The following DNAJC13 variants were observed in gnomAD, a reference collection of about 807,000 sequenced individuals.
DNAJC13 encodes the protein DnaJ heat shock protein family (Hsp40) member C13.
In DNAJC13, 75 loss-of-function variants were observed where a neutral mutation model predicts 290.5. The observed-to-expected ratio is 0.26, with a 90% CI of 0.21 to 0.31. The LOEUF is 0.31. Among genes scored for constraint, DNAJC13 ranks in the 10% least tolerant of loss-of-function variants. The probability of loss-of-function intolerance (pLI) is 1.00; values close to 1 mark genes in which losing one functional copy is unlikely to be tolerated. For missense variants in DNAJC13, 2,260 were observed against 2,674.5 expected (o/e 0.85, Z 3.42); for synonymous variants, 862 against 892.0 (o/e 0.97, Z 0.60).
chr3:132,483,840 G>T (rs1333606859), intron 28 of DNAJC13, among the ~76,000 whole-genome samples: 4 of 152,168 alleles, frequency 2.6e-5, no homozygotes, highest in Non-Finnish European at 5.9e-5. Flanking sequence ...TAATTTATGT[G>T]AATTGGTGTT....
At chr3:132,537,429 G>A in intron 55 of DNAJC13, among the ~76,000 whole-genome samples, 1 of 152,130 alleles carries the variant, frequency 6.6e-6, no homozygotes, top group Non-Finnish European at 1.5e-5. Context: ...TTGTTAGTTT[G>A]TGCAGTGCTT....
Position 132,516,700 on chromosome 3 carries a change from A to G in DNAJC13, c.5561-4A>G, listed in dbSNP as rs754209735. The G allele has an allele frequency of 6.8e-6, 11 of 1,606,874 alleles. No individual in the cohort carries two copies. The highest frequency in any genetic ancestry group is 9.3e-6 in the Non-Finnish European group (11 of 1,177,812). ...TAAGCACTAATTATCTTTTTCCTTC[A>G]TAGGTGCTTTGATCTATTTACTGGA... On this transcript the variant is annotated splice_region_variant and splice_polypyrimidine_tract_variant and intron_variant, in intron 47 of 55. Coordinates refer to ENST00000260818, the MANE Select transcript of DNAJC13 (RefSeq NM_015268.4).
intron 29 of DNAJC13, among the ~76,000 whole-genome samples, chr3:132,487,564 T>TTTTTTTTTTTA (rs1434635350): frequency 6.7e-6 from 1 of 148,538 alleles, no homozygotes; most frequent in East Asian, 2.0e-4. Flanking sequence ...CTGTAATTTT[T>TTTTTTTTTTTA]TTTTTTTTTT....
intron 42 of DNAJC13, among the ~76,000 whole-genome samples, chr3:132,506,458 GT>G (rs1410572117): frequency 6.9e-6 from 1 of 144,630 alleles, no homozygotes; most frequent in African/African-American, 2.6e-5. Flanking sequence ...ATCTAAATTC[GT>G]TTTGGTTTCA....
Position 132,463,888 on chromosome 3 carries a change from A to C in DNAJC13, c.1892+71A>C. 2.0e-6 allele frequency: 3 copies of C among 1,501,718 alleles called. No homozygotes were observed. The South Asian group carries it at 3.7e-5, about 18-fold the overall frequency. The allele number at this position is 1,501,718 out of a possible 1,614,324, so 93.0% of individuals were successfully genotyped here. A position where few individuals can be genotyped will look rare whatever the true frequency, so the allele number is the denominator to read the frequency against. On this transcript the variant is annotated intron_variant, in intron 17 of 55. Transcript: ENST00000260818. ...AGAATTGATTCAGATGTTACATAAA[A>C]CTAAATGTGTTTGTATTACACAAAT...
intron 32 of DNAJC13, among the ~76,000 whole-genome samples, chr3:132,491,454 G>A (rs1272638944): frequency 6.6e-6 from 1 of 152,016 alleles, no homozygotes; most frequent in East Asian, 1.9e-4. Context: ...ACATAATTTG[G>A]ATCGATGAAT....
chr3:132,455,301 T>A (rs985458686), intron 9 of DNAJC13, among the ~76,000 whole-genome samples: 1 of 152,174 alleles, frequency 6.6e-6, no homozygotes, highest in East Asian at 1.9e-4. Context: ...AACTACTACA[T>A]ATTCACTAAC....
chr3:132,442,249 G>A (rs763479035), intron 2 of DNAJC13, among the ~76,000 whole-genome samples: 5 of 151,764 alleles, frequency 3.3e-5, no homozygotes, highest in Admixed American at 6.6e-5. Flanking sequence ...CTCCCGCCTC[G>A]GCCTCTCGAT....
At chr3:132,458,336 A>T (rs1163594196) in intron 13 of DNAJC13, 1 of 152,194 alleles carries the variant, frequency 6.6e-6, no homozygotes, top group Non-Finnish European at 1.5e-5. Flanking sequence ...ACTTCTGTAA[A>T]ACCTTGCATT....
intron 32 of DNAJC13, among the ~76,000 whole-genome samples, chr3:132,491,817 C>T (rs559607730): frequency 2.0e-5 from 3 of 152,236 alleles, no homozygotes; most frequent in Admixed American, 1.3e-4. Context: ...GACTTCTTGA[C>T]CTATGGGCTT....
At chr3:132,519,127 G>GT (rs1936008697) in intron 48 of DNAJC13, among the ~76,000 whole-genome samples, 1 of 152,154 alleles carries the variant, frequency 6.6e-6, no homozygotes, top group African/African-American at 2.4e-5. Flanking sequence ...TTGTGTACAG[G>GT]TTTTTGTGTG....
intron 1 of DNAJC13, 141 bp from the exon 2 acceptor site, chr3:132,434,397 A>C (rs578001856): frequency 5.9e-6 from 3 of 505,874 alleles, no homozygotes; most frequent in East Asian, 3.5e-5. Flanking sequence ...AAAAAAAAAA[A>C]ACAAAACCTT....
At chr3:132,471,564 G>C (rs1258294343) in intron 20 of DNAJC13, among the ~76,000 whole-genome samples, 2 of 140,256 alleles carry the variant, frequency 1.4e-5, no homozygotes, top group South Asian at 2.4e-4. Flanking sequence ...TCACCTCCCA[G>C]ATGGGGTCTC....
At chr3:132,462,402 C>T in intron 15 of DNAJC13, 65 bp from the exon 16 acceptor site, 1 of 1,475,638 alleles carries the variant, frequency 6.8e-7, no homozygotes, top group Admixed American at 1.8e-5. Flanking sequence ...TTAAGAGTAA[C>T]AGCTAAATGT....
At chr3:132,456,100 C>G (rs1488752150) in intron 9 of DNAJC13, 135 bp from the exon 10 acceptor site, 3 of 707,276 alleles carry the variant, frequency 4.2e-6, no homozygotes, top group Admixed American at 2.9e-5. Context: ...TAAAGCCCCA[C>G]TGTTTGTGTT....
chr3:132,449,805 A>G (rs1241249386), intron 5 of DNAJC13, among the ~76,000 whole-genome samples: 2 of 152,178 alleles, frequency 1.3e-5, no homozygotes, highest in African/African-American at 2.4e-5. Flanking sequence ...ATTGATGGGT[A>G]GAAAACTGCG....
At chr3:132,472,537 CT>C (rs1447858937) in intron 20 of DNAJC13, 1 of 984,512 alleles carries the variant, frequency 1.0e-6, no homozygotes. Flanking sequence ...ACTTTTTTTC[CT>C]TTTTACGATT....
chr3:132,473,307 GA>G (rs1362245482), intron 21 of DNAJC13, 80 bp downstream of exon 21: 4 of 963,020 alleles, frequency 4.2e-6, no homozygotes, highest in Non-Finnish European at 6.4e-6. Context: ...CTTCTTCCCT[GA>G]AACTGTTGCT....
rs1222986069 is a variant in DNAJC13 at position 132,505,499 on chromosome 3, T to C, written c.4998+84T>C. 10 of 867,664 alleles carry C rather than the reference T, an allele frequency of 1.2e-5. No individual in the cohort carries two copies. In the East Asian group the frequency reaches 1.3e-4, roughly 11 times the overall value. The allele number at this position is 867,664 out of a possible 1,614,324, so 53.7% of individuals were successfully genotyped here. A position where few individuals can be genotyped will look rare whatever the true frequency, so the allele number is the denominator to read the frequency against. ...ACAGCAGTATTGATTAGAACAGAAATCCACTACTTCTCACTTTAGTGTCAG... is the reference window on the plus strand; with the variant it reads ...ACAGCAGTATTGATTAGAACAGAAACCCACTACTTCTCACTTTAGTGTCAG... On this transcript the variant is annotated intron_variant, in intron 42 of 55. Transcript: ENST00000260818.
Sources: allele counts gnomAD v4.1 joint callset (sites outside exome capture counted in the v4.1 genomes callset), GRCh38; gene constraint gnomAD v4.1.1; transcripts MANE v1.5; gene names NCBI Gene and HGNC (gene_info 2026-07-23, HGNC 2026-07-21).